Variants in KIFC3 observed in about 807,000 individuals in gnomAD.
KIFC3 encodes kinesin family member C3.
In KIFC3, 60 loss-of-function variants were observed where a neutral mutation model predicts 101.8. The ratio of observed to expected loss-of-function variants is 0.59; its 90% CI spans 0.48 to 0.73. The LOEUF is 0.73. Among genes scored for constraint, KIFC3 ranks in the 30% least tolerant of loss-of-function variants. KIFC3 has a pLI of 0.00. For missense variants in KIFC3, 966 were observed against 1,137.1 expected (o/e 0.85, Z 2.16); for synonymous variants, 476 against 482.7 (o/e 0.99, Z 0.18).
chr16:57,853,993 G>A (rs1352755836), intron 1 of KIFC3, among the ~76,000 whole-genome samples: 1 of 152,044 alleles, frequency 6.6e-6, no homozygotes, highest in African/African-American at 2.4e-5. Flanking sequence ...CCAGGCTGGA[G>A]TGCAGTGGTG....
At chr16:57,837,566 A>AAAGAAAGAAAGAAAGG (rs2055719916) in intron 1 of KIFC3, among the ~76,000 whole-genome samples, 1 of 147,976 alleles carries the variant, frequency 6.8e-6, no homozygotes, top group Non-Finnish European at 1.5e-5. Flanking sequence ...AGAAAGAAAG[A>AAAGAAAGAAAGAAAGG]AAGAAAGAAA....
At chr16:57,830,307 G>A (rs2055551602) in intron 1 of KIFC3, among the ~76,000 whole-genome samples, 1 of 141,166 alleles carries the variant, frequency 7.1e-6, no homozygotes, top group Non-Finnish European at 1.5e-5. Context: ...GTGTAATCTC[G>A]GCTCTCTGCA....
intron 1 of KIFC3, among the ~76,000 whole-genome samples, chr16:57,799,701 G>A (rs1235721054): frequency 2.6e-5 from 4 of 152,236 alleles, no homozygotes; most frequent in African/African-American, 9.6e-5. Flanking sequence ...CAAAGCTTGA[G>A]CAAGAGGAGA....
intron 3 of KIFC3, chr16:57,779,446 G>A (rs1157230921): frequency 6.6e-6 from 1 of 152,198 alleles, no homozygotes; most frequent in Non-Finnish European, 1.5e-5. Context: ...AAGATGAAAA[G>A]AGTTCTGGAG....
rs2054490350 is a variant in KIFC3, at chr16:57,798,157, C to A, written c.87G>T (p.Glu29Asp). 1.3e-6 allele frequency: 2 copies of A among 1,544,770 alleles called. No homozygotes were observed. The highest frequency in any genetic ancestry group is 2.4e-5 in the East Asian group (1 of 41,098). The change falls in exon 2 of 20, where the codon GAG (glutamate) becomes GAT (aspartate). Residue 29 changes from glutamate (E) to aspartate (D), a missense_variant. By Grantham distance (45) the Glu-to-Asp change is conservative (BLOSUM62 2). Coordinates refer to ENST00000445690, the MANE Select transcript of KIFC3 (RefSeq NM_001130100.2). ...LWRVGRAPEP[E>D]PGMARPAPAP... ...CTGGGGCGGGGCGAGCCATCCCCGG[C>A]TCGGGCTCCGGGGCCCGGCCCACTC...
chr16:57,843,515 A>G (rs59971701), intron 1 of KIFC3, among the ~76,000 whole-genome samples: 32,597 of 152,074 alleles, frequency 0.21, 4,156 homozygotes, highest in African/African-American at 0.33. Context: ...CCCTGGCTGC[A>G]TAGACACTCA....
At chr16:57,858,527 G>A (rs149496866) in intron 1 of KIFC3, among the ~76,000 whole-genome samples, 1 of 152,256 alleles carries the variant, frequency 6.6e-6, no homozygotes, top group Non-Finnish European at 1.5e-5. Flanking sequence ...CATCATGACA[G>A]CCAGCATTGT....
Position 57,774,896 on chromosome 16 carries a change from C to T in KIFC3, c.316-2608G>A, listed in dbSNP as rs183446869. The T allele has an allele frequency of 1.6e-4, 232 of 1,425,638 alleles. 3 individuals are homozygous for T. The East Asian group carries it at 5.0e-3, about 31-fold the overall frequency. 88.3% of individuals were successfully genotyped at this position (1,425,638 alleles called of 1,614,324 possible). On this transcript the variant is annotated intron_variant, in intron 3 of 19. Coordinates refer to ENST00000445690, the MANE Select transcript of KIFC3 (RefSeq NM_001130100.2). ...ACCCTGACATAAGTGAACTGACTTC[C>T]TCTTCAAAAGGTTGAAGTCTCCTTC...
intron 3 of KIFC3, among the ~76,000 whole-genome samples, chr16:57,773,208 G>A (rs997977425): frequency 2.0e-5 from 3 of 152,184 alleles, no homozygotes; most frequent in South Asian, 2.1e-4. Context: ...GGAAAGGTGC[G>A]CTAAGAGCCA....
At chr16:57,844,604 AGCCGGGG>A (rs1234214553) in intron 1 of KIFC3, among the ~76,000 whole-genome samples, 1 of 152,078 alleles carries the variant, frequency 6.6e-6, no homozygotes, top group African/African-American at 2.4e-5. Flanking sequence ...CGCCAGTGCC[AGCCGGGG>A]GCCTCCTCCT....
chr16:57,813,351 A>AAAATAAAT (rs149210186), intron 1 of KIFC3, among the ~76,000 whole-genome samples: 3,747 of 151,278 alleles, frequency 0.025, 127 homozygotes, highest in African/African-American at 0.07. Flanking sequence ...ATAAAATACA[A>AAAATAAAT]AAATAAATAA....
chr16:57,776,083 C>T (rs1271158665), intron 3 of KIFC3: 35 of 985,390 alleles, frequency 3.6e-5, no homozygotes, highest in South Asian at 1.4e-4. Flanking sequence ...GCTTCCAAGG[C>T]GGCCTCTTAC....
intron 1 of KIFC3, among the ~76,000 whole-genome samples, chr16:57,857,101 G>T (rs917744066): frequency 7.2e-5 from 11 of 152,178 alleles, no homozygotes; most frequent in African/African-American, 2.7e-4. Context: ...ACCTGCAAAA[G>T]ATACAGCAGT....
chr16:57,762,917 G>A (rs1402843244), intron 12 of KIFC3, among the ~76,000 whole-genome samples: 1 of 152,204 alleles, frequency 6.6e-6, no homozygotes, highest in Admixed American at 6.5e-5. Flanking sequence ...AGCTCCCTCT[G>A]CCCCGGGTAC....
chr16:57,777,885 G>A, intron 3 of KIFC3, among the ~76,000 whole-genome samples: 1 of 152,214 alleles, frequency 6.6e-6, no homozygotes, highest in Non-Finnish European at 1.5e-5. Context: ...ATCATTTAAT[G>A]TGGGAAAGGA....
At chr16:57,781,995 G>A (rs782679040) in intron 3 of KIFC3, 4 of 985,416 alleles carry the variant, frequency 4.1e-6, no homozygotes, top group Non-Finnish European at 4.8e-6. Context: ...GGATAGGGCT[G>A]GAAACACGGC....
chr16:57,825,488 G>A (rs2055439717), intron 1 of KIFC3, among the ~76,000 whole-genome samples: 1 of 152,178 alleles, frequency 6.6e-6, no homozygotes, highest in African/African-American at 2.4e-5. Flanking sequence ...AACCCCTGAG[G>A]CCACTGTGGG....
chr16:57,831,637 C>G (rs1304956083), intron 1 of KIFC3, among the ~76,000 whole-genome samples: 2 of 152,078 alleles, frequency 1.3e-5, no homozygotes, highest in African/African-American at 4.8e-5. Flanking sequence ...CTACTGTGAG[C>G]TATGATCATA....
chr16:57,833,100 G>A (rs142108631), intron 1 of KIFC3, among the ~76,000 whole-genome samples: 1,833 of 152,036 alleles, frequency 0.012, 27 homozygotes, highest in Non-Finnish European at 0.021. Flanking sequence ...CAGCTACTCC[G>A]GAGTCTAAGG....
Sources: allele counts gnomAD v4.1 joint callset (sites outside exome capture counted in the v4.1 genomes callset), GRCh38; gene constraint gnomAD v4.1.1; transcripts MANE v1.5; gene names NCBI Gene and HGNC (gene_info 2026-07-23, HGNC 2026-07-21).